CSMD1: variants seen among roughly 807,000 people sequenced by gnomAD.
CSMD1 encodes the protein CUB and Sushi multiple domains 1.
Under a neutral mutation model 417.5 loss-of-function variants are expected in CSMD1, and 213 were observed. That is an observed-to-expected ratio of 0.51 (90% CI 0.46 to 0.57). The LOEUF (loss-of-function observed/expected upper bound fraction) is 0.57, where lower values mean the gene tolerates loss of function less well. Among genes scored for constraint, CSMD1 ranks in the 20% least tolerant of loss-of-function variants. The pLI is 0.00. For synonymous variants in CSMD1, 2,862 were observed against 1,736.8 expected (o/e 1.65, Z -16.11); for missense variants, 6,923 against 4,529.7 (o/e 1.53, Z -15.17).
At chr8:4,289,975 C>G (rs975232174) in intron 3 of CSMD1, among the ~76,000 whole-genome samples, 1 of 152,186 alleles carries the variant, frequency 6.6e-6, no homozygotes, top group African/African-American at 2.4e-5. Flanking sequence ...TTATTTCATT[C>G]AGCTTGTATA....
intron 1 of CSMD1, among the ~76,000 whole-genome samples, chr8:4,790,653 G>C (rs1041297506): frequency 3.2e-4 from 49 of 151,968 alleles, no homozygotes; most frequent in South Asian, 4.1e-4. Context: ...AATGCAACAG[G>C]TTACAGAACC....
intron 26 of CSMD1, among the ~76,000 whole-genome samples, chr8:3,263,759 ACTTT>A (rs1225390372): frequency 6.6e-6 from 1 of 152,180 alleles, no homozygotes; most frequent in Non-Finnish European, 1.5e-5. Flanking sequence ...AAGTCAACTA[ACTTT>A]CTTTAATAAA....
At chr8:4,925,293 G>C (rs1225469168) in intron 1 of CSMD1, among the ~76,000 whole-genome samples, 1 of 125,014 alleles carries the variant, frequency 8.0e-6, no homozygotes, top group African/African-American at 3.0e-5. Flanking sequence ...TCAACTTGAA[G>C]GTTAATTTCC....
chr8:3,161,638 A>C (rs918023124), intron 38 of CSMD1, among the ~76,000 whole-genome samples: 13 of 151,962 alleles, frequency 8.6e-5, no homozygotes, highest in African/African-American at 2.2e-4. Flanking sequence ...AAAAAAAAAA[A>C]AAAAAAACCC....
chr8:3,276,789 T>C (rs1404335312), intron 26 of CSMD1, among the ~76,000 whole-genome samples: 1 of 152,320 alleles, frequency 6.6e-6, no homozygotes, highest in East Asian at 1.9e-4. Context: ...ACTAATATTT[T>C]CAACATTTAT....
intron 3 of CSMD1, among the ~76,000 whole-genome samples, chr8:4,355,310 C>G (rs1801358684): frequency 7.6e-6 from 1 of 132,350 alleles, no homozygotes; most frequent in Admixed American, 7.9e-5. Context: ...ACTTCATACA[C>G]ACACACACAC....
intron 44 of CSMD1, 127 bp from the exon 45 acceptor site, chr8:3,107,925 C>A: frequency 1.7e-6 from 1 of 600,128 alleles, no homozygotes. Context: ...GTCTCTATTC[C>A]TGAATCATAG....
chr8:3,333,485 A>G (rs1308617043), intron 23 of CSMD1, among the ~76,000 whole-genome samples: 2 of 152,256 alleles, frequency 1.3e-5, no homozygotes, highest in Non-Finnish European at 2.9e-5. Context: ...ACAGCTATGT[A>G]AAAACAAAAT....
intron 14 of CSMD1, among the ~76,000 whole-genome samples, chr8:3,406,567 T>C (rs1469470971): frequency 6.6e-6 from 1 of 152,124 alleles, no homozygotes; most frequent in African/African-American, 2.4e-5. Context: ...CCTGACTTTT[T>C]TTCTTACTAT....
In CSMD1 at chr8:4,111,214, T is replaced by A. The variant is rs575312167; in HGVS notation, c.416-79115A>T. On this transcript the variant is annotated intron_variant, in intron 3 of 69. Coordinates refer to ENST00000635120, the MANE Select transcript of CSMD1 (RefSeq NM_033225.6). ...GTTGATATTTGTGTTATGTTTGTCA[T>A]CATCTTTTGGTTCCACGTCTTTGCT... 1.4e-4 allele frequency among the ~76,000 whole-genome samples: 22 copies of A among 152,302 alleles called. 1 individual carries two copies. In the South Asian group the frequency reaches 4.1e-3, roughly 29 times the overall value.
At chr8:3,992,601 C>G (rs1180176969) in intron 5 of CSMD1, among the ~76,000 whole-genome samples, 1 of 152,108 alleles carries the variant, frequency 6.6e-6, no homozygotes, top group African/African-American at 2.4e-5. Context: ...TTGGGCAACA[C>G]AGTACGTCCG....
At chr8:4,725,570 G>C (rs187740150) in intron 1 of CSMD1, among the ~76,000 whole-genome samples, 1 of 152,130 alleles carries the variant, frequency 6.6e-6, no homozygotes, top group East Asian at 1.9e-4. Flanking sequence ...AGACCTACGT[G>C]TATTTCAGAA....
chr8:4,688,814 C>T (rs1386983101), intron 1 of CSMD1, among the ~76,000 whole-genome samples: 1 of 152,190 alleles, frequency 6.6e-6, no homozygotes, highest in African/African-American at 2.4e-5. Flanking sequence ...GCTCTGTAAA[C>T]ATCGCAAGTG....
intron 6 of CSMD1, among the ~76,000 whole-genome samples, chr8:3,739,028 T>A (rs184629643): frequency 6.6e-6 from 1 of 152,236 alleles, no homozygotes; most frequent in Non-Finnish European, 1.5e-5. Flanking sequence ...TATGTCTTTC[T>A]TTTTTCTGTT....
In CSMD1 at chr8:3,432,848, T is replaced by G. The variant is rs1307772735; in HGVS notation, c.1562-23243A>C. ...TTATTTTTATTCTACATTGTTTATG[T>G]GAAATGGATCTGCTTAAATATAGTC... On this transcript the variant is annotated intron_variant, in intron 12 of 69. Coordinates refer to ENST00000635120, the MANE Select transcript of CSMD1 (RefSeq NM_033225.6). Among the ~76,000 whole-genome samples, 4 of 152,182 alleles carry G rather than the reference T, an allele frequency of 2.6e-5. No individual in the cohort carries two copies. In the East Asian group the frequency reaches 5.8e-4, roughly 22 times the overall value.
chr8:3,968,425 A>T (rs1391180052), intron 5 of CSMD1, among the ~76,000 whole-genome samples: 1 of 152,104 alleles, frequency 6.6e-6, no homozygotes, highest in African/African-American at 2.4e-5. Flanking sequence ...GTTCACATGG[A>T]CACACACTCA....
intron 9 of CSMD1, among the ~76,000 whole-genome samples, chr8:3,584,160 T>A (rs1391543855): frequency 6.6e-6 from 1 of 152,150 alleles, no homozygotes; most frequent in Non-Finnish European, 1.5e-5. Flanking sequence ...TAATAAGAAC[T>A]GAAGTACTAT....
intron 5 of CSMD1, among the ~76,000 whole-genome samples, chr8:3,989,721 G>A (rs1281168305): frequency 2.6e-5 from 4 of 152,324 alleles, no homozygotes; most frequent in East Asian, 3.9e-4. Flanking sequence ...TTAGATACTT[G>A]TATTTACTAA....
At chr8:3,025,473 G>T (rs1809800279) in intron 51 of CSMD1, among the ~76,000 whole-genome samples, 2 of 152,272 alleles carry the variant, frequency 1.3e-5, no homozygotes, top group South Asian at 2.1e-4. Context: ...TGTGTATTGT[G>T]TGGTGTTATT....
Sources: gnomAD v4.1 joint callset for allele counts (sites outside exome capture counted in the v4.1 genomes callset) on GRCh38, gnomAD v4.1.1 for gene constraint, MANE v1.5 for transcripts, NCBI Gene and HGNC (gene_info 2026-07-23, HGNC 2026-07-21) for gene names.